Variants in OR6N1 observed in about 807,000 individuals in gnomAD.
OR6N1 encodes olfactory receptor 6N1.
For synonymous variants in OR6N1, 170 were observed against 150.7 expected (o/e 1.13, Z -0.94); for missense variants, 394 against 371.7 (o/e 1.06, Z -0.49).
chr1:158,828,812 A>G, the OR6N1 span, among the ~76,000 whole-genome samples: 1 of 152,224 alleles, frequency 6.6e-6, no homozygotes, highest in South Asian at 2.1e-4. Flanking sequence ...CCGCCTCTAC[A>G]GCAAACTTCT....
chr1:158,805,716 G>T, the OR6N1 span, among the ~76,000 whole-genome samples: 1 of 152,200 alleles, frequency 6.6e-6, no homozygotes, highest in East Asian at 1.9e-4. Context: ...GGAGTTTGCA[G>T]CTATAAATGG....
At chr1:158,839,174 T>C in the OR6N1 span, among the ~76,000 whole-genome samples, 1 of 152,118 alleles carries the variant, frequency 6.6e-6, no homozygotes, top group African/African-American at 2.4e-5. Context: ...TGGACATTTG[T>C]AAAAACAGCC....
chr1:158,780,429 G>C, the OR6N1 span, among the ~76,000 whole-genome samples: 1 of 152,152 alleles, frequency 6.6e-6, no homozygotes, highest in African/African-American at 2.4e-5. Context: ...TCTGGGATAA[G>C]CATTTTCAAA....
the OR6N1 span, among the ~76,000 whole-genome samples, chr1:158,837,857 C>G: frequency 2.0e-5 from 3 of 148,992 alleles, no homozygotes; most frequent in African/African-American, 7.4e-5. Flanking sequence ...TTATGTTCTT[C>G]TATTCCTTTG....
At position 158,772,014 on chromosome 1, in the gene OR6N1, G is replaced by A. The variant is rs1261347127; in HGVS notation, c.-19+7C>T. On this transcript the variant is annotated splice_region_variant and intron_variant, in intron 1 of 1. Coordinates refer to ENST00000641846, the MANE Select transcript of OR6N1 (RefSeq NM_001005185.2). ...AAGATGAAAATGCCTGCTTGATAAA[G>A]TCTTACCTAGAGATTGTTGGTGGGG... 3 of 152,222 alleles carry A rather than the reference G, an allele frequency of 2.0e-5. No homozygotes were observed. The highest frequency in any genetic ancestry group is 7.2e-5 in the African/African-American group (3 of 41,440). The allele number at this position is 152,222 out of a possible 1,614,324, so 9.4% of individuals were successfully genotyped here.
upstream of OR6N1, among the ~76,000 whole-genome samples, chr1:158,773,785 C>A (rs1657484743): frequency 6.6e-6 from 1 of 152,044 alleles, no homozygotes; most frequent in Admixed American, 6.6e-5. Context: ...TGAGAAAATT[C>A]AAGGCTACCA....
Position 158,764,445 on chromosome 1 carries a change from A to G in OR6N1, c.*1299T>C, listed in dbSNP as rs1391700540. 6.6e-6 allele frequency: 1 copy of G among 151,866 alleles called. No individual in the cohort carries two copies. Among genetic ancestry groups the G allele is most frequent in the African/African-American group, 2.4e-5 (1 of 41,406 alleles). 9.4% of individuals were successfully genotyped at this position (151,866 alleles called of 1,614,324 possible). A position where few individuals can be genotyped will look rare whatever the true frequency, so the allele number is the denominator to read the frequency against. On this transcript the variant is annotated 3_prime_UTR_variant, in exon 2 of 2. Transcript: ENST00000641846. ...CTAAAGGTAGGACCTGGACATATAT[A>G]TGTCTTGTTCATTGCTTTTGTAGAG...
At chr1:158,826,159 C>A in the OR6N1 span, among the ~76,000 whole-genome samples, 1 of 151,442 alleles carries the variant, frequency 6.6e-6, no homozygotes, top group African/African-American at 2.4e-5. Flanking sequence ...AAAAAAAAAA[C>A]CTATTACATA....
chr1:158,814,535 G>A, the OR6N1 span, among the ~76,000 whole-genome samples: 12 of 152,156 alleles, frequency 7.9e-5, no homozygotes, highest in African/African-American at 2.7e-4. Context: ...GAAAGTAGAA[G>A]ATCAAGACAT....
At position 158,765,918 on chromosome 1, in the gene OR6N1, G is replaced by T. The variant is rs781759785; in HGVS notation, c.765C>A (p.Ile255=). 6.2e-7 allele frequency: 1 copy of T among 1,614,152 alleles called. No homozygotes were observed. The highest frequency in any genetic ancestry group is 8.5e-7 in the Non-Finnish European group (1 of 1,180,010). The stretch of plus-strand genomic sequence containing the variant: ...TCTTCAGCTGCACATACATGGAAAG[G>T]ATGCTCCCATAGAAGATGAGAACCA... ...FTVVLIFYGS[I]LSMYVQLKKS... The change falls in exon 2 of 2, where the codon ATC becomes ATA. Residue 255 remains isoleucine (I), a synonymous_variant. Transcript: ENST00000641846.
At chr1:158,810,655 A>G in the OR6N1 span, among the ~76,000 whole-genome samples, 1 of 152,200 alleles carries the variant, frequency 6.6e-6, no homozygotes, top group Non-Finnish European at 1.5e-5. Flanking sequence ...ATAAAAAGAG[A>G]ACAAATCCAA....
the OR6N1 span, among the ~76,000 whole-genome samples, chr1:158,818,856 A>G: frequency 5.3e-5 from 8 of 152,166 alleles, no homozygotes; most frequent in Non-Finnish European, 1.2e-4. Context: ...TACATGGCCT[A>G]TTTGGAGGAC....
chr1:158,805,607 G>A, the OR6N1 span, among the ~76,000 whole-genome samples: 4 of 152,054 alleles, frequency 2.6e-5, no homozygotes, highest in Non-Finnish European at 5.9e-5. Context: ...GAAGCTCTGC[G>A]CTAAAGATGA....
the OR6N1 span, among the ~76,000 whole-genome samples, chr1:158,809,928 G>A: frequency 6.6e-6 from 1 of 152,142 alleles, no homozygotes; most frequent in African/African-American, 2.4e-5. Flanking sequence ...AAGGGTATGT[G>A]CTAGGAATTC....
At chr1:158,769,940 C>T (rs910366820) in intron 1 of OR6N1, among the ~76,000 whole-genome samples, 4 of 152,152 alleles carry the variant, frequency 2.6e-5, no homozygotes, top group African/African-American at 4.8e-5. Flanking sequence ...TGAATGCATA[C>T]CTGCCTTCTA....
At chr1:158,775,229 T>C (rs1283968522), upstream of OR6N1, 4 of 152,192 alleles carry the variant, frequency 2.6e-5, no homozygotes, top group Non-Finnish European at 5.9e-5. Context: ...AGACTGAGTG[T>C]TCAGAAGTCC....
At chr1:158,809,191 C>T in the OR6N1 span, 1 of 152,748 alleles carries the variant, frequency 6.5e-6, no homozygotes, top group African/African-American at 2.4e-5. Flanking sequence ...TCTAACTGTA[C>T]CAGGACAATG....
chr1:158,793,153 A>C, the OR6N1 span, among the ~76,000 whole-genome samples: 9 of 151,766 alleles, frequency 5.9e-5, no homozygotes, highest in Non-Finnish European at 1.3e-4. Context: ...CAGTCTCTCT[A>C]GAAAATTTTT....
At chr1:158,787,633 T>TCACACA in the OR6N1 span, among the ~76,000 whole-genome samples, 5 of 114,660 alleles carry the variant, frequency 4.4e-5, no homozygotes, top group African/African-American at 2.1e-4. Flanking sequence ...TCTCTCTCTC[T>TCACACA]CTCACACACA....
Sources: allele counts gnomAD v4.1 joint callset (sites outside exome capture counted in the v4.1 genomes callset), GRCh38; gene constraint gnomAD v4.1.1; transcripts MANE v1.5; gene names NCBI Gene and HGNC (gene_info 2026-07-23, HGNC 2026-07-21).